Variants in IPCEF1 observed in about 807,000 individuals in gnomAD.
IPCEF1 encodes interactor protein for cytohesin exchange factors 1.
A neutral mutation model predicts 50.9 loss-of-function variants in IPCEF1; 31 were observed. The observed-to-expected ratio is 0.61, with a 90% confidence interval of 0.46 to 0.82. The LOEUF (loss-of-function observed/expected upper bound fraction) is 0.82, where lower values mean the gene tolerates loss of function less well. IPCEF1 is among the 40% of genes least tolerant of loss of function. The probability of loss-of-function intolerance (pLI) is 0.00; values close to 1 mark genes in which losing one functional copy is unlikely to be tolerated. For synonymous variants in IPCEF1, 181 were observed against 192.0 expected (o/e 0.94, Z 0.47); for missense variants, 458 against 514.0 (o/e 0.89, Z 1.05).
At chr6:154,173,928 T>C (rs556495510) in intron 10 of IPCEF1, among the ~76,000 whole-genome samples, 1 of 152,236 alleles carries the variant, frequency 6.6e-6, no homozygotes, top group Non-Finnish European at 1.5e-5. Flanking sequence ...GAGAGAAAGG[T>C]TGGGTTACCT....
At chr6:154,209,609 A>G (rs552195204) in intron 9 of IPCEF1, among the ~76,000 whole-genome samples, 94 of 149,936 alleles carry the variant, frequency 6.3e-4, no homozygotes, top group African/African-American at 2.1e-3. Context: ...ACGCCACTGC[A>G]CTCCAGCCTG....
chr6:154,201,898 A>C (rs906716817), intron 9 of IPCEF1, among the ~76,000 whole-genome samples: 9 of 152,214 alleles, frequency 5.9e-5, no homozygotes, highest in African/African-American at 1.9e-4. Context: ...CCATCTCAAA[A>C]AAACAAACAA....
At chr6:154,229,525 ATT>A (rs369132657) in intron 5 of IPCEF1, among the ~76,000 whole-genome samples, 6 of 141,050 alleles carry the variant, frequency 4.3e-5, no homozygotes, top group Admixed American at 7.1e-5. Flanking sequence ...CATTTTTTGT[ATT>A]TTTTTTTTTT....
chr6:154,279,853 A>C (rs1406010016), intron 2 of IPCEF1, among the ~76,000 whole-genome samples: 1 of 152,228 alleles, frequency 6.6e-6, no homozygotes, highest in Non-Finnish European at 1.5e-5. Flanking sequence ...AAAATGAGAA[A>C]AGACTTACTA....
chr6:154,182,929 C>G (rs1801018853), intron 10 of IPCEF1, among the ~76,000 whole-genome samples: 1 of 151,956 alleles, frequency 6.6e-6, no homozygotes, highest in Non-Finnish European at 1.5e-5. Context: ...TAGCTTATCT[C>G]AATTTCACTA....
chr6:154,192,665 GA>G (rs59125446), intron 10 of IPCEF1, among the ~76,000 whole-genome samples: 14,665 of 147,340 alleles, frequency 0.1, 1,022 homozygotes, highest in African/African-American at 0.21. Context: ...AAATTAGGAA[GA>G]AAAAAAAATG....
At chr6:154,227,910 T>TA (rs549854199) in intron 5 of IPCEF1, among the ~76,000 whole-genome samples, 268 of 152,232 alleles carry the variant, frequency 1.8e-3, no homozygotes, top group South Asian at 1.0e-2. Flanking sequence ...GCTTTTTTTT[T>TA]ATTCTGAAGA....
At chr6:154,184,683 T>C (rs547602197) in intron 10 of IPCEF1, among the ~76,000 whole-genome samples, 14 of 152,206 alleles carry the variant, frequency 9.2e-5, no homozygotes, top group African/African-American at 3.1e-4. Context: ...AATATATTTT[T>C]TTCGAATGAA....
chr6:154,331,109 A>G (rs916756667), intron 1 of IPCEF1, among the ~76,000 whole-genome samples: 2 of 152,068 alleles, frequency 1.3e-5, no homozygotes, highest in African/African-American at 2.4e-5. Context: ...TCTACTAAAA[A>G]TACAAAAATT....
At chr6:154,236,146 T>C (rs1354363227) in intron 5 of IPCEF1, among the ~76,000 whole-genome samples, 1 of 152,188 alleles carries the variant, frequency 6.6e-6, no homozygotes, top group African/African-American at 2.4e-5. Flanking sequence ...GCGACCCAAG[T>C]GTCTGTCAAC....
At position 154,219,985 on chromosome 6, in the gene IPCEF1, A is replaced by AGTGTGT. The variant is rs57450665; in HGVS notation, c.392+1266_392+1271dup. On this transcript the variant is annotated intron_variant, in intron 7 of 11. Transcript: ENST00000367220. ...CAGAGCTGAGCGGATACCTGTAAGG[A>AGTGTGT]GTGTGTGTGTGTGTGTGTGTGTGTG... is the stretch of plus-strand genomic sequence containing the variant. Among the ~76,000 whole-genome samples the AGTGTGT allele has an allele frequency of 8.5e-3, 1,197 of 140,114 alleles. 11 individuals carry two copies. Among genetic ancestry groups the AGTGTGT allele is most frequent in the African/African-American group, 0.024 (894 of 37,976 alleles). The allele number at this position is 140,114 out of a possible 152,430, so 91.9% of individuals were successfully genotyped here.
At chr6:154,213,006 C>A in intron 8 of IPCEF1, 151 bp from the exon 9 acceptor site, 1 of 626,372 alleles carries the variant, frequency 1.6e-6, no homozygotes, top group African/African-American at 1.8e-5. Context: ...CTACCTGGTG[C>A]AAAGGAATTA....
intron 1 of IPCEF1, among the ~76,000 whole-genome samples, chr6:154,344,765 G>A (rs1783992903): frequency 6.6e-6 from 1 of 152,148 alleles, no homozygotes; most frequent in South Asian, 2.1e-4. Flanking sequence ...CAGAACAGAA[G>A]TTATTATTCA....
chr6:154,276,137 T>C (rs942065570), intron 2 of IPCEF1, among the ~76,000 whole-genome samples: 2 of 151,406 alleles, frequency 1.3e-5, no homozygotes, highest in African/African-American at 4.9e-5. Context: ...TGAGCCGAGA[T>C]TGTGCCACTG....
intron 1 of IPCEF1, among the ~76,000 whole-genome samples, chr6:154,326,588 T>C (rs1783525192): frequency 6.6e-6 from 1 of 152,190 alleles, no homozygotes; most frequent in Non-Finnish European, 1.5e-5. Context: ...TGGAAAAACA[T>C]TCCATGCTCT....
intron 10 of IPCEF1, among the ~76,000 whole-genome samples, chr6:154,199,392 C>T (rs182322307): frequency 1.2e-3 from 181 of 152,254 alleles, no homozygotes; most frequent in Non-Finnish European, 1.3e-3. Context: ...GTTTTTTCTC[C>T]GATTGGTGGA....
At chr6:154,223,470 A>G (rs1779020926) in intron 5 of IPCEF1, among the ~76,000 whole-genome samples, 1 of 152,178 alleles carries the variant, frequency 6.6e-6, no homozygotes, top group African/African-American at 2.4e-5. Flanking sequence ...GTGGCATGAC[A>G]TGACACAGCT....
chr6:154,325,060 G>A (rs1427120730), intron 1 of IPCEF1, among the ~76,000 whole-genome samples: 1 of 152,218 alleles, frequency 6.6e-6, no homozygotes, highest in Middle Eastern at 3.4e-3. Flanking sequence ...AAAGCTTAAA[G>A]AGGCAGTTCA....
intron 5 of IPCEF1, among the ~76,000 whole-genome samples, chr6:154,237,087 G>A (rs1285393275): frequency 5.3e-5 from 8 of 152,198 alleles, no homozygotes; most frequent in Non-Finnish European, 1.2e-4. Context: ...CTATCAATTA[G>A]CTTGTCTGTA....
Sources: allele counts gnomAD v4.1 joint callset (sites outside exome capture counted in the v4.1 genomes callset), GRCh38; gene constraint gnomAD v4.1.1; transcripts MANE v1.5; gene names NCBI Gene and HGNC (gene_info 2026-07-23, HGNC 2026-07-21).